ETS1: variants seen among roughly 807,000 people sequenced by gnomAD.
ETS1 encodes ETS proto-oncogene 1, transcription factor, also known as protein C-ets-1.
In ETS1, 15 loss-of-function variants were observed where a neutral mutation model predicts 58.6. The observed-to-expected ratio is 0.26, with a 90% CI of 0.17 to 0.39. The LOEUF is 0.39. ETS1 is among the 10% of genes least tolerant of loss of function. The pLI is 1.00. For missense variants in ETS1, 417 were observed against 610.5 expected, an observed-to-expected ratio of 0.68 and a Z score of 3.34; for synonymous variants, 214 against 218.2, an observed-to-expected ratio of 0.98 and a Z score of 0.17.
In ETS1 at chr11:128,548,132, A is replaced by AAAGGGAAGGG. The variant is rs1380445482; in HGVS notation, c.214+8149_214+8158dup. ...AAAGGGAAGGAAAGGAAAGGAAAGG[A>AAAGGGAAGGG]AAGGGAAGGGAAGGGAAGGGAAGGA... On this transcript the variant is annotated intron_variant, in intron 3 of 9. Coordinates refer to ENST00000392668, the MANE Select transcript of ETS1 (RefSeq NM_001143820.2). Among the ~76,000 whole-genome samples the AAAGGGAAGGG allele has an allele frequency of 2.0e-3, 164 of 84,008 alleles. 6 individuals carry two copies. The highest frequency in any genetic ancestry group is 8.3e-3 in the African/African-American group (138 of 16,606). 55.1% of individuals were successfully genotyped at this position (84,008 alleles called of 152,430 possible). A position where few individuals can be genotyped will look rare whatever the true frequency, so the allele number is the denominator to read the frequency against.
At chr11:128,487,306 T>C (rs1249840999) in intron 5 of ETS1, among the ~76,000 whole-genome samples, 1 of 152,226 alleles carries the variant, frequency 6.6e-6, no homozygotes, top group Admixed American at 6.5e-5. Context: ...TACTGACTTA[T>C]ATCCTAATTC....
At chr11:128,571,846 C>T (rs1864641689) in intron 2 of ETS1, 1 of 152,154 alleles carries the variant, frequency 6.6e-6, no homozygotes, top group African/African-American at 2.4e-5. Flanking sequence ...AGTTTGAGAC[C>T]AGCCTGGCCA....
intron 2 of ETS1, among the ~76,000 whole-genome samples, chr11:128,568,103 A>T (rs913555255): frequency 6.6e-6 from 1 of 152,134 alleles, no homozygotes; most frequent in African/African-American, 2.4e-5. Flanking sequence ...CTGCCCGAGC[A>T]TGTTGTTCTA....
intron 8 of ETS1, among the ~76,000 whole-genome samples, chr11:128,473,044 G>A (rs1862228808): frequency 6.6e-6 from 1 of 151,932 alleles, no homozygotes. Context: ...AAAAAAAAAA[G>A]TCTCGATTCC....
intron 1 of ETS1, among the ~76,000 whole-genome samples, chr11:128,576,712 C>T (rs938493558): frequency 6.6e-6 from 1 of 152,034 alleles, no homozygotes; most frequent in Non-Finnish European, 1.5e-5. Context: ...CTCCAGCCCC[C>T]TCTCGCCGTG....
chr11:128,542,598 G>A (rs565268227), intron 3 of ETS1, among the ~76,000 whole-genome samples: 3 of 152,082 alleles, frequency 2.0e-5, no homozygotes, highest in South Asian at 4.2e-4. Context: ...GGGAGAGGGA[G>A]TCAATAACTA....
At chr11:128,530,194 C>G (rs1376733862) in intron 3 of ETS1, 1 of 152,230 alleles carries the variant, frequency 6.6e-6, no homozygotes, top group Non-Finnish European at 1.5e-5. Flanking sequence ...ATGAAGTCTT[C>G]TTTAATTTGC....
At chr11:128,492,318 T>C (rs1365208489) in intron 3 of ETS1, among the ~76,000 whole-genome samples, 1 of 152,240 alleles carries the variant, frequency 6.6e-6, no homozygotes. Flanking sequence ...ATATTGCCTC[T>C]GAATGTCGAA....
In ETS1 at chr11:128,462,590, A is replaced by C. The variant is rs1425310493; in HGVS notation, c.1243-14T>G. ...TCTCCTGGCCACCTGAAATTTAAAA[A>C]GAAAAATAAAGGAGGAGTAGGCAAA... is the stretch of plus-strand genomic sequence containing the variant. On this transcript the variant is annotated splice_polypyrimidine_tract_variant and intron_variant, in intron 9 of 9. Transcript: ENST00000392668. 12 of 1,610,198 alleles carry C rather than the reference A, an allele frequency of 7.5e-6. No homozygotes were observed. Among genetic ancestry groups the C allele is most frequent in the Non-Finnish European group, 7.6e-6 (9 of 1,176,784 alleles).
At position 128,584,982 on chromosome 11, in the gene ETS1, GAAA is replaced by G. The variant is rs1565420742; in HGVS notation, c.-15+2503_-15+2505del. ...AGAAAGAAAGAAAGAAAGAAAGAAA[GAAA>G]GAAAGGAAGGAAGGAAGGAAAGAAA... On this transcript the variant is annotated intron_variant, in intron 1 of 9. Transcript: ENST00000392668. Among the ~76,000 whole-genome samples the G allele has an allele frequency of 2.9e-4, 15 of 52,518 alleles. 4 individuals carry two copies. Among genetic ancestry groups the G allele is most frequent in the Non-Finnish European group, 1.0e-4 (3 of 29,206 alleles). 34.5% of individuals were successfully genotyped at this position (52,518 alleles called of 152,430 possible).
At chr11:128,498,563 T>C (rs954963240) in intron 3 of ETS1, among the ~76,000 whole-genome samples, 17 of 152,220 alleles carry the variant, frequency 1.1e-4, no homozygotes, top group African/African-American at 3.6e-4. Context: ...TGCCTTTTGG[T>C]TGCAAAAACG....
At chr11:128,578,998 T>C (rs1349997279) in intron 1 of ETS1, among the ~76,000 whole-genome samples, 3 of 152,232 alleles carry the variant, frequency 2.0e-5, no homozygotes, top group African/African-American at 4.8e-5. Flanking sequence ...CATTCCATAT[T>C]TGAATACATA....
At chr11:128,530,320 C>A (rs1465455534) in intron 3 of ETS1, 1 of 152,250 alleles carries the variant, frequency 6.6e-6, no homozygotes, top group Non-Finnish European at 1.5e-5. Flanking sequence ...CACATCTCAT[C>A]TATCTGGATT....
chr11:128,526,118 A>T (rs1863796397), intron 3 of ETS1: 1 of 144,790 alleles, frequency 6.9e-6, no homozygotes, highest in African/African-American at 2.5e-5. Flanking sequence ...GGCACAATAA[A>T]CAATGAGGGT....
At chr11:128,540,329 A>G (rs1272479008) in intron 3 of ETS1, among the ~76,000 whole-genome samples, 1 of 151,788 alleles carries the variant, frequency 6.6e-6, no homozygotes, top group Admixed American at 6.6e-5. Context: ...TCAAAAAAAA[A>G]AAAAAAAAAG....
In ETS1 at chr11:128,462,298, G is replaced by T; in HGVS notation, c.*63C>A. On this transcript the variant is annotated 3_prime_UTR_variant, in exon 10 of 10. Coordinates refer to ENST00000392668, the MANE Select transcript of ETS1 (RefSeq NM_001143820.2). ...ATAGAATAACAATTCAAAATTCAGA[G>T]TCCAACCAACACGGCTGTCCTTGGA... 1 of 1,302,274 alleles carries T rather than the reference G, an allele frequency of 7.7e-7. No individual in the cohort carries two copies. Among genetic ancestry groups the T allele is most frequent in the Non-Finnish European group, 1.1e-6 (1 of 912,368 alleles). 80.7% of individuals were successfully genotyped at this position (1,302,274 alleles called of 1,614,324 possible).
intron 1 of ETS1, among the ~76,000 whole-genome samples, chr11:128,574,633 A>G (rs1269020771): frequency 1.3e-5 from 2 of 152,182 alleles, no homozygotes; most frequent in African/African-American, 4.8e-5. Context: ...GCATGAAATA[A>G]GAGTAAGATG....
intron 3 of ETS1, among the ~76,000 whole-genome samples, chr11:128,499,784 G>A (rs1863037324): frequency 6.6e-6 from 1 of 152,180 alleles, no homozygotes; most frequent in African/African-American, 2.4e-5. Context: ...GGCCCACTTG[G>A]CACTTGGTCG....
intron 3 of ETS1, among the ~76,000 whole-genome samples, chr11:128,543,115 C>T (rs1864080145): frequency 6.6e-6 from 1 of 151,824 alleles, no homozygotes. Context: ...ATTGCTTGAA[C>T]CCTGGAGGCG....
Sources: allele counts gnomAD v4.1 joint callset (sites outside exome capture counted in the v4.1 genomes callset), GRCh38; gene constraint gnomAD v4.1.1; transcripts MANE v1.5; gene names NCBI Gene and HGNC (gene_info 2026-07-23, HGNC 2026-07-21).